Variants in ARHGEF28 observed in about 807,000 individuals in gnomAD.
The protein encoded by ARHGEF28 is Rho guanine nucleotide exchange factor 28.
In ARHGEF28, 152 loss-of-function variants were observed where a neutral mutation model predicts 206.6. The ratio of observed to expected loss-of-function variants is 0.74; its 90% CI spans 0.64 to 0.84. The LOEUF (loss-of-function observed/expected upper bound fraction) is 0.84, where lower values mean the gene tolerates loss of function less well. Among genes scored for constraint, ARHGEF28 ranks in the 40% least tolerant of loss-of-function variants. The pLI, the probability that ARHGEF28 is intolerant of heterozygous loss-of-function variation, is 0.00. For missense variants in ARHGEF28, 2,028 were observed against 2,073.2 expected, an observed-to-expected ratio of 0.98 and a Z score of 0.42; for synonymous variants, 763 against 776.4, an observed-to-expected ratio of 0.98 and a Z score of 0.29.
Position 73,882,551 on chromosome 5 carries a change from T to A in ARHGEF28, c.2894T>A (p.Phe965Tyr). The A allele has an allele frequency of 6.6e-7, 1 of 1,519,074 alleles. No homozygotes were observed. The highest frequency in any genetic ancestry group is 8.9e-7 in the Non-Finnish European group (1 of 1,128,280). 94.1% of individuals were successfully genotyped at this position (1,519,074 alleles called of 1,614,324 possible). ...CATCATAAAGAAGCTGTTAACCTCT[T>A]TAAAGAACTCCAGCAGAATAAAAAG... ...CCHHKEAVNL[F>Y]KELQQNKKFQ... The change falls in exon 23 of 36, where the codon TTT becomes TAT. Residue 965 changes from phenylalanine (F) to tyrosine (Y), a missense_variant. This residue lies in a region of ARHGEF28 where 223 missense variants were observed against 289.9 expected (regional missense o/e 0.77). Coordinates refer to ENST00000513042, the MANE Select transcript of ARHGEF28 (RefSeq NM_001177693.2).
At chr5:73,811,504 G>C (rs189262708) in intron 9 of ARHGEF28, among the ~76,000 whole-genome samples, 2 of 152,244 alleles carry the variant, frequency 1.3e-5, no homozygotes, top group South Asian at 2.1e-4. Context: ...TGCCTACAGC[G>C]TCCTAGGCAC....
At chr5:73,681,315 T>G (rs1747084903) in intron 1 of ARHGEF28, among the ~76,000 whole-genome samples, 2 of 152,216 alleles carry the variant, frequency 1.3e-5, no homozygotes, top group African/African-American at 4.8e-5. Flanking sequence ...TATAAATTAA[T>G]TTTTTAAATG....
chr5:73,832,273 T>C, intron 9 of ARHGEF28, 65 bp from the exon 10 acceptor site: 1 of 1,575,156 alleles, frequency 6.3e-7, no homozygotes, highest in Non-Finnish European at 8.6e-7. Context: ...TCTAAGAAGG[T>C]AAAGCTTGAC....
chr5:73,909,027 A>G lies in ARHGEF28; in HGVS notation c.4162-385A>G, dbSNP rs59707934. On this transcript the variant is annotated intron_variant, in intron 33 of 35. Transcript: ENST00000513042. Reference sequence around the variant, plus strand: ...AGTTCTCATGAATGATTGACTAGGGAGAGACCTCAGCAAGAGAGTGAGATG... The same window carrying G: ...AGTTCTCATGAATGATTGACTAGGGGGAGACCTCAGCAAGAGAGTGAGATG... The G allele has an allele frequency of 3.8e-3, 618 of 164,398 alleles. 28 individuals carry two copies. In the East Asian group the frequency reaches 0.097, roughly 26 times the overall value. 10.2% of individuals were successfully genotyped at this position (164,398 alleles called of 1,614,324 possible). A position where few individuals can be genotyped will look rare whatever the true frequency, so the allele number is the denominator to read the frequency against.
intron 26 of ARHGEF28, among the ~76,000 whole-genome samples, chr5:73,888,227 G>T (rs58056687): frequency 0.069 from 10,538 of 152,236 alleles, 502 homozygotes; most frequent in African/African-American, 0.12. Flanking sequence ...GCCTAATGTT[G>T]ACAGAAGATT....
chr5:73,730,460 T>C (rs1750544515), intron 2 of ARHGEF28, among the ~76,000 whole-genome samples: 1 of 151,592 alleles, frequency 6.6e-6, no homozygotes, highest in Non-Finnish European at 1.5e-5. Context: ...GAAAATATAT[T>C]TCAGTAGACT....
intron 9 of ARHGEF28, among the ~76,000 whole-genome samples, chr5:73,814,899 C>T (rs1580655790): frequency 6.6e-6 from 1 of 152,174 alleles, no homozygotes; most frequent in East Asian, 1.9e-4. Flanking sequence ...TAGAAAGACT[C>T]AGCCTGAACA....
chr5:73,826,722 C>T (rs1270833358), intron 9 of ARHGEF28, among the ~76,000 whole-genome samples: 2 of 152,202 alleles, frequency 1.3e-5, no homozygotes, highest in Non-Finnish European at 2.9e-5. Context: ...GCAACTGCCT[C>T]TCCCTCTCCC....
At chr5:73,920,878 G>A (rs186939674) in intron 35 of ARHGEF28, among the ~76,000 whole-genome samples, 54 of 152,198 alleles carry the variant, frequency 3.5e-4, no homozygotes, top group Non-Finnish European at 5.3e-4. Context: ...CAGTGCTGTC[G>A]CTGTAGGAAG....
At chr5:73,771,419 G>A (rs763286670) in intron 4 of ARHGEF28, among the ~76,000 whole-genome samples, 3 of 151,910 alleles carry the variant, frequency 2.0e-5, no homozygotes, top group Admixed American at 6.6e-5. Flanking sequence ...GTGATGGCGC[G>A]CACCTGTAAT....
At chr5:73,863,750 T>G (rs1759538420) in intron 16 of ARHGEF28, among the ~76,000 whole-genome samples, 1 of 151,748 alleles carries the variant, frequency 6.6e-6, no homozygotes, top group Non-Finnish European at 1.5e-5. Flanking sequence ...TTCTGTGGTA[T>G]CTTAGGGTAT....
At chr5:73,921,204 T>C (rs932024924) in intron 35 of ARHGEF28, among the ~76,000 whole-genome samples, 2 of 152,162 alleles carry the variant, frequency 1.3e-5, no homozygotes, top group Non-Finnish European at 2.9e-5. Context: ...CATCAAATAT[T>C]TATTATAGCA....
intron 1 of ARHGEF28, among the ~76,000 whole-genome samples, chr5:73,632,546 T>TTG (rs958862306): frequency 2.0e-5 from 3 of 152,232 alleles, no homozygotes; most frequent in African/African-American, 7.2e-5. Flanking sequence ...TATCCTAAGT[T>TTG]TGTCACAGTT....
At chr5:73,750,878 G>A (rs1315306055) in intron 3 of ARHGEF28, among the ~76,000 whole-genome samples, 1 of 152,144 alleles carries the variant, frequency 6.6e-6, no homozygotes, top group Non-Finnish European at 1.5e-5. Context: ...TTTTAAAGGA[G>A]CTTGTCCCTA....
chr5:73,782,023 A>G (rs1357698171), intron 7 of ARHGEF28, among the ~76,000 whole-genome samples: 2 of 152,064 alleles, frequency 1.3e-5, no homozygotes, highest in Non-Finnish European at 2.9e-5. Flanking sequence ...CACCAATGTT[A>G]ATAGCTGGTC....
At chr5:73,631,958 C>A (rs968822442) in intron 1 of ARHGEF28, among the ~76,000 whole-genome samples, 20 of 152,164 alleles carry the variant, frequency 1.3e-4, no homozygotes, top group Admixed American at 1.2e-3. Context: ...TACCACCTGT[C>A]CCTGGGTTCA....
intron 1 of ARHGEF28, among the ~76,000 whole-genome samples, chr5:73,668,978 T>C (rs755661990): frequency 1.7e-4 from 26 of 152,224 alleles, no homozygotes; most frequent in Non-Finnish European, 3.1e-4. Context: ...ATGTTTTTTT[T>C]TCTCTCGATT....
rs531245603 is a variant in ARHGEF28, at chr5:73,808,787, T to C, written c.1024+13396T>C. Among the ~76,000 whole-genome samples the C allele has an allele frequency of 6.6e-5, 10 of 152,294 alleles. No homozygotes were observed. The South Asian group carries it at 2.1e-3, about 32-fold the overall frequency. On this transcript the variant is annotated intron_variant, in intron 9 of 35. Coordinates refer to ENST00000513042, the MANE Select transcript of ARHGEF28 (RefSeq NM_001177693.2). ...CTGTGGTGTCTTGGTGGCTTAACAGTGGAGTAGAGAAGCAAAGCAAATCTT... is the reference window on the plus strand; with the variant it reads ...CTGTGGTGTCTTGGTGGCTTAACAGCGGAGTAGAGAAGCAAAGCAAATCTT...
At chr5:73,762,120 C>T (rs1752632906) in intron 4 of ARHGEF28, among the ~76,000 whole-genome samples, 2 of 151,746 alleles carry the variant, frequency 1.3e-5, no homozygotes, top group Non-Finnish European at 2.9e-5. Flanking sequence ...GAATGAGCCA[C>T]CACACCTGGC....
Sources: allele counts gnomAD v4.1 joint callset (sites outside exome capture counted in the v4.1 genomes callset), GRCh38; gene constraint gnomAD v4.1.1; regional missense constraint gnomAD v4.1.1; transcripts MANE v1.5; gene names NCBI Gene and HGNC (gene_info 2026-07-23, HGNC 2026-07-21).